The following LMBR1 variants were observed in gnomAD, a reference collection of about 807,000 sequenced individuals.
LMBR1 encodes limb development membrane protein 1.
A neutral mutation model predicts 73.9 loss-of-function variants in LMBR1; 52 were observed. The observed-to-expected ratio is 0.70, with a 90% CI of 0.56 to 0.89. The LOEUF (loss-of-function observed/expected upper bound fraction) is 0.89, where lower values mean the gene tolerates loss of function less well. Among genes scored for constraint, LMBR1 ranks in the 40% least tolerant of loss-of-function variants. The probability of loss-of-function intolerance (pLI) is 0.00; values close to 1 mark genes in which losing one functional copy is unlikely to be tolerated. For synonymous variants in LMBR1, 215 were observed against 209.4 expected (o/e 1.03, Z -0.23); for missense variants, 539 against 579.8 (o/e 0.93, Z 0.72).
At chr7:156,727,162 C>A (rs1254250983) in intron 12 of LMBR1, among the ~76,000 whole-genome samples, 1 of 152,178 alleles carries the variant, frequency 6.6e-6, no homozygotes, top group Non-Finnish European at 1.5e-5. Context: ...TACTTCTTCT[C>A]CCCTACAGAA....
chr7:156,823,627 T>G (rs1457441359), intron 4 of LMBR1: 1 of 152,168 alleles, frequency 6.6e-6, no homozygotes, highest in Non-Finnish European at 1.5e-5. Flanking sequence ...GATAAATGGT[T>G]CCACCCTTTA....
Position 156,819,886 on chromosome 7 carries a change from A to G in LMBR1, c.319+6719T>C, listed in dbSNP as rs1834486662. ...ATGGAATGGCTAGCAGAATCCCCAT[A>G]CTGATTTCCTGACCTGTGGAGTGAG... On this transcript the variant is annotated intron_variant, in intron 4 of 16. Coordinates refer to ENST00000353442, the MANE Select transcript of LMBR1 (RefSeq NM_022458.4). 2.0e-5 allele frequency among the ~76,000 whole-genome samples: 3 copies of G among 152,272 alleles called. No individual in the cohort carries two copies. The South Asian group carries it at 6.2e-4, about 32-fold the overall frequency.
intron 5 of LMBR1, among the ~76,000 whole-genome samples, chr7:156,782,493 T>C (rs1827322268): frequency 6.6e-6 from 1 of 152,210 alleles, no homozygotes; most frequent in Non-Finnish European, 1.5e-5. Context: ...TTTTCTGGGT[T>C]TGGCTAGTAG....
At position 156,685,251 on chromosome 7, in the gene LMBR1, C is replaced by T. The variant is rs2131856063; in HGVS notation, c.1388-1088G>A. On this transcript the variant is annotated intron_variant, in intron 16 of 16. Coordinates refer to ENST00000353442, the MANE Select transcript of LMBR1 (RefSeq NM_022458.4). The surrounding 1 kb of genome is among the most constrained non-coding windows in gnomAD (Gnocchi z 4.1). Reference sequence around the variant, plus strand: ...TACACAGACCAACATTGCCCTCTCACAGGGAGAAAGGGCAGAAGAAAATGT... The same window carrying T: ...TACACAGACCAACATTGCCCTCTCATAGGGAGAAAGGGCAGAAGAAAATGT... Among the ~76,000 whole-genome samples, 1 of 152,298 alleles carries T rather than the reference C, an allele frequency of 6.6e-6. No homozygotes were observed. Among genetic ancestry groups the T allele is most frequent in the East Asian group, 1.9e-4 (1 of 5,190 alleles).
chr7:156,892,212 C>G (rs1051889015), intron 1 of LMBR1, among the ~76,000 whole-genome samples: 1 of 152,230 alleles, frequency 6.6e-6, no homozygotes, highest in African/African-American at 2.4e-5. Context: ...TGGACTTTTG[C>G]TGAGGTCCTC....
At chr7:156,829,551 C>T (rs1836299414) in intron 3 of LMBR1, among the ~76,000 whole-genome samples, 1 of 122,640 alleles carries the variant, frequency 8.2e-6, no homozygotes, top group Non-Finnish European at 1.7e-5. Flanking sequence ...CAGTGTCATG[C>T]TTGTACATCT....
chr7:156,866,632 G>A (rs1289216775), intron 1 of LMBR1, among the ~76,000 whole-genome samples: 1 of 147,912 alleles, frequency 6.8e-6, no homozygotes, highest in Non-Finnish European at 1.5e-5. Context: ...ATGAGACATA[G>A]TCTTGCTCCA....
rs1156948513 is a variant in LMBR1 at position 156,683,453 on chromosome 7, A to C, written c.*625T>G. On this transcript the variant is annotated 3_prime_UTR_variant, in exon 17 of 17. Transcript: ENST00000353442. Reference sequence around the variant, plus strand: ...TGGCTCTCTAAGGCTCCAGGTTTAAAAGAATTTAGTATTTTCCCCTTGGCT... The same window carrying C: ...TGGCTCTCTAAGGCTCCAGGTTTAACAGAATTTAGTATTTTCCCCTTGGCT... 1 of 152,670 alleles carries C rather than the reference A, an allele frequency of 6.6e-6. No individual in the cohort carries two copies. Among genetic ancestry groups the C allele is most frequent in the Non-Finnish European group, 1.5e-5 (1 of 68,048 alleles). The allele number at this position is 152,670 out of a possible 1,614,324, so 9.5% of individuals were successfully genotyped here.
intron 3 of LMBR1, among the ~76,000 whole-genome samples, chr7:156,827,176 T>C (rs1233379603): frequency 1.3e-5 from 2 of 152,092 alleles, no homozygotes; most frequent in African/African-American, 4.8e-5. Flanking sequence ...AACAAATTAA[T>C]TTAAAATGTT....
rs537355376 is a variant in LMBR1 at position 156,737,614 on chromosome 7, C to T, written c.758-3357G>A. On this transcript the variant is annotated intron_variant, in intron 9 of 16. Transcript: ENST00000353442. ...TTCTCTCCTATTTTACCTATTTTTG[C>T]CATTTTGACCTATCTTCTGTAAAAG... Among the ~76,000 whole-genome samples the T allele has an allele frequency of 2.6e-5, 4 of 152,216 alleles. No homozygotes were observed. The East Asian group carries it at 5.8e-4, about 22-fold the overall frequency.
chr7:156,745,645 C>A (rs1030076601), intron 9 of LMBR1, among the ~76,000 whole-genome samples: 1 of 152,212 alleles, frequency 6.6e-6, no homozygotes, highest in Non-Finnish European at 1.5e-5. Context: ...AACACAGGGG[C>A]AAATGCAATC....
intron 1 of LMBR1, among the ~76,000 whole-genome samples, chr7:156,839,176 A>G (rs538890208): frequency 1.3e-5 from 2 of 150,956 alleles, no homozygotes; most frequent in Non-Finnish European, 2.9e-5. Flanking sequence ...CAGCCTCCCA[A>G]GTGGCTGGGA....
At chr7:156,760,053 CA>C (rs998697103) in intron 8 of LMBR1, among the ~76,000 whole-genome samples, 1 of 152,042 alleles carries the variant, frequency 6.6e-6, no homozygotes, top group African/African-American at 2.4e-5. Flanking sequence ...AGAAGGTGAC[CA>C]GGGGTGAGTC....
At chr7:156,725,718 T>C (rs1815600315) in intron 13 of LMBR1, 46 bp downstream of exon 13, 6 of 1,546,608 alleles carry the variant, frequency 3.9e-6, no homozygotes, top group Non-Finnish European at 5.3e-6. Flanking sequence ...GAAAACTTGG[T>C]ATAAAATTTG....
intron 1 of LMBR1, among the ~76,000 whole-genome samples, chr7:156,855,213 T>C (rs576754768): frequency 2.0e-5 from 3 of 152,272 alleles, no homozygotes; most frequent in Admixed American, 2.0e-4. Context: ...CATGGAAATG[T>C]TAAGAATAAT....
chr7:156,730,316 T>C (rs1816603609), intron 10 of LMBR1, among the ~76,000 whole-genome samples: 1 of 152,200 alleles, frequency 6.6e-6, no homozygotes, highest in African/African-American at 2.4e-5. Flanking sequence ...AAAGCTTCTG[T>C]CAGGCTCATG....
chr7:156,861,350 A>G (rs1797689808), intron 1 of LMBR1, among the ~76,000 whole-genome samples: 1 of 151,458 alleles, frequency 6.6e-6, no homozygotes, highest in African/African-American at 2.4e-5. Context: ...AACAGCTGGG[A>G]CTCAAGGCAC....
At chr7:156,837,970 C>A (rs1837965791) in intron 1 of LMBR1, among the ~76,000 whole-genome samples, 1 of 151,746 alleles carries the variant, frequency 6.6e-6, no homozygotes, top group Non-Finnish European at 1.5e-5. Flanking sequence ...TATTTTTTGG[C>A]AAAGATGGGG....
chr7:156,776,188 G>A (rs1444875860), intron 5 of LMBR1, among the ~76,000 whole-genome samples: 1 of 151,360 alleles, frequency 6.6e-6, no homozygotes, highest in Non-Finnish European at 1.5e-5. Flanking sequence ...TCACTATAAT[G>A]ACTCAAACTA....
Sources: gnomAD v4.1 joint callset for allele counts (sites outside exome capture counted in the v4.1 genomes callset) on GRCh38, gnomAD v4.1.1 for gene constraint, Gnocchi (gnomAD v3.1) non-coding constraint, MANE v1.5 for transcripts, NCBI Gene and HGNC (gene_info 2026-07-23, HGNC 2026-07-21) for gene names.